The following DACH1 variants were observed in gnomAD, a reference collection of about 807,000 sequenced individuals.
DACH1 encodes the protein dachshund homolog 1.
DACH1 carries 12 observed loss-of-function variants against 54.2 expected under a neutral mutation model. That is an observed-to-expected ratio of 0.22 (90% CI 0.14 to 0.36). The LOEUF (loss-of-function observed/expected upper bound fraction) is 0.36, where lower values mean the gene tolerates loss of function less well. Ranked by LOEUF, DACH1 falls within the 10% of genes least tolerant of loss-of-function variation. The probability of loss-of-function intolerance (pLI) is 1.00; values close to 1 mark genes in which losing one functional copy is unlikely to be tolerated. For synonymous variants in DACH1, 386 were observed against 366.2 expected (o/e 1.05, Z -0.62); for missense variants, 805 against 929.8 (o/e 0.87, Z 1.75).
chr13:71,683,836 G>A (rs1881027151), intron 1 of DACH1, among the ~76,000 whole-genome samples: 1 of 151,950 alleles, frequency 6.6e-6, no homozygotes, highest in African/African-American at 2.4e-5. Flanking sequence ...TATATCTATA[G>A]CCCATATCTT....
chr13:71,589,488 G>T (rs1873533432), intron 3 of DACH1, among the ~76,000 whole-genome samples: 1 of 151,774 alleles, frequency 6.6e-6, no homozygotes, highest in South Asian at 2.1e-4. Flanking sequence ...GATAAACATA[G>T]TAAATAAATG....
At chr13:71,450,103 C>A (rs1874889787) in intron 10 of DACH1, among the ~76,000 whole-genome samples, 1 of 150,882 alleles carries the variant, frequency 6.6e-6, no homozygotes. Flanking sequence ...AGCTGTAAAA[C>A]ACAGTTTGAT....
intron 1 of DACH1, among the ~76,000 whole-genome samples, chr13:71,702,124 G>T (rs974610036): frequency 7.2e-5 from 11 of 151,930 alleles, no homozygotes; most frequent in African/African-American, 2.7e-4. Flanking sequence ...TAAAAGTTAC[G>T]CAAGTCACAA....
At chr13:71,542,641 G>A (rs1217498303) in intron 6 of DACH1, among the ~76,000 whole-genome samples, 1 of 152,006 alleles carries the variant, frequency 6.6e-6, no homozygotes, top group Non-Finnish European at 1.5e-5. Context: ...TTAAACCACT[G>A]CCATGATTTC....
At chr13:71,784,107 G>A (rs191339925) in intron 1 of DACH1, among the ~76,000 whole-genome samples, 19 of 152,138 alleles carry the variant, frequency 1.2e-4, no homozygotes, top group Admixed American at 1.2e-3. Context: ...TTTTAAAGGT[G>A]ATGTATACTT....
At chr13:71,488,432 A>G (rs994324116) in intron 7 of DACH1, among the ~76,000 whole-genome samples, 3 of 152,184 alleles carry the variant, frequency 2.0e-5, no homozygotes, top group African/African-American at 4.8e-5. Context: ...CATAAAATAT[A>G]CATCCTGAGG....
At chr13:71,664,049 T>C (rs1348355555) in intron 2 of DACH1, among the ~76,000 whole-genome samples, 3 of 151,954 alleles carry the variant, frequency 2.0e-5, no homozygotes, top group South Asian at 4.1e-4. Flanking sequence ...GGTGAATACA[T>C]GTCAAAAAAA....
In DACH1 at chr13:71,858,343, T is replaced by C. The variant is rs574732762; in HGVS notation, c.848+7579A>G. 2.6e-5 allele frequency among the ~76,000 whole-genome samples: 4 copies of C among 151,878 alleles called. No individual in the cohort carries two copies. In the South Asian group the frequency reaches 6.2e-4, roughly 24 times the overall value. On this transcript the variant is annotated intron_variant, in intron 1 of 10. Coordinates refer to ENST00000613252, the MANE Select transcript of DACH1 (RefSeq NM_080759.6). ...AACACTGTGACTTTTTAATACTTCA[T>C]GTTTACCACTCCATTCATATACGCT...
chr13:71,805,613 T>C (rs1254785466), intron 1 of DACH1, among the ~76,000 whole-genome samples: 1 of 152,194 alleles, frequency 6.6e-6, no homozygotes, highest in Non-Finnish European at 1.5e-5. Flanking sequence ...TCTGTCATCC[T>C]TGTAAATGTC....
intron 1 of DACH1, among the ~76,000 whole-genome samples, chr13:71,756,927 T>C (rs150341040): frequency 2.0e-3 from 305 of 152,250 alleles, no homozygotes; most frequent in African/African-American, 6.8e-3. Flanking sequence ...AATGACATAG[T>C]GAATGTAAAG....
At chr13:71,859,656 T>G (rs1418216890) in intron 1 of DACH1, among the ~76,000 whole-genome samples, 2 of 151,780 alleles carry the variant, frequency 1.3e-5, no homozygotes, top group African/African-American at 2.4e-5. Flanking sequence ...AATAAATAGG[T>G]GTAACAAATA....
At chr13:71,537,159 A>G (rs1017110249) in intron 6 of DACH1, among the ~76,000 whole-genome samples, 2 of 152,030 alleles carry the variant, frequency 1.3e-5, no homozygotes, top group Non-Finnish European at 2.9e-5. Context: ...GATTCATGCC[A>G]GTTTCATCCT....
chr13:71,507,846 T>C (rs540586425), intron 6 of DACH1, among the ~76,000 whole-genome samples: 2 of 152,210 alleles, frequency 1.3e-5, no homozygotes, highest in South Asian at 4.1e-4. Context: ...ACCTCCACTT[T>C]AGGCTTAGTC....
intron 4 of DACH1, 73 bp from the exon 5 acceptor site, chr13:71,560,028 T>C (rs993376488): frequency 2.9e-6 from 4 of 1,400,444 alleles, no homozygotes; most frequent in African/African-American, 1.5e-5. Context: ...ATGAATGTTG[T>C]TTTTTCTCAA....
intron 2 of DACH1, among the ~76,000 whole-genome samples, chr13:71,657,735 G>C (rs565898730): frequency 6.6e-6 from 1 of 152,058 alleles, no homozygotes; most frequent in South Asian, 2.1e-4. Flanking sequence ...CTCATGAGTA[G>C]AATTTACTTT....
chr13:71,756,129 C>T (rs571089152), intron 1 of DACH1, among the ~76,000 whole-genome samples: 3 of 152,152 alleles, frequency 2.0e-5, no homozygotes, highest in South Asian at 2.1e-4. Context: ...CTCCCAGTTT[C>T]GAGCAATTCT....
chr13:71,486,032 T>C (rs952580093), intron 7 of DACH1, among the ~76,000 whole-genome samples: 5 of 151,954 alleles, frequency 3.3e-5, no homozygotes, highest in African/African-American at 9.7e-5. Flanking sequence ...CATATAATTA[T>C]AGTATTTTTC....
intron 1 of DACH1, among the ~76,000 whole-genome samples, chr13:71,709,884 G>A (rs971034407): frequency 2.0e-5 from 3 of 152,110 alleles, no homozygotes; most frequent in African/African-American, 7.2e-5. Flanking sequence ...CTGCCTCAAA[G>A]AGCAAAGTGC....
chr13:71,523,965 A>C (rs902279069), intron 6 of DACH1, among the ~76,000 whole-genome samples: 4 of 152,098 alleles, frequency 2.6e-5, no homozygotes, highest in African/African-American at 9.7e-5. Context: ...ATTTTAGTTT[A>C]TATTCAGCAA....
Sources: gnomAD v4.1 joint callset for allele counts (sites outside exome capture counted in the v4.1 genomes callset) on GRCh38, gnomAD v4.1.1 for gene constraint, MANE v1.5 for transcripts, NCBI Gene and HGNC (gene_info 2026-07-23, HGNC 2026-07-21) for gene names.